Variants in RPS6KA2 observed in about 807,000 individuals in gnomAD.
RPS6KA2 encodes the protein ribosomal protein S6 kinase A2.
In RPS6KA2, 42 loss-of-function variants were observed where a neutral mutation model predicts 91.8. The ratio of observed to expected loss-of-function variants is 0.46; its 90% CI spans 0.36 to 0.59. RPS6KA2 has a LOEUF of 0.59. RPS6KA2 is among the 20% of genes least tolerant of loss of function. The pLI, the probability that RPS6KA2 is intolerant of heterozygous loss-of-function variation, is 0.00. For synonymous variants in RPS6KA2, 414 were observed against 393.6 expected, an observed-to-expected ratio of 1.05 and a Z score of -0.61; for missense variants, 798 against 978.5, an observed-to-expected ratio of 0.82 and a Z score of 2.46.
chr6:166,508,343 C>T lies in RPS6KA2; in HGVS notation c.380-61G>A, dbSNP rs1039278806. The T allele has an allele frequency of 1.8e-6, 2 of 1,082,406 alleles. No homozygotes were observed. Among genetic ancestry groups the T allele is most frequent in the Non-Finnish European group, 2.8e-6 (2 of 702,402 alleles). 67.1% of individuals were successfully genotyped at this position (1,082,406 alleles called of 1,614,324 possible). A position where few individuals can be genotyped will look rare whatever the true frequency, so the allele number is the denominator to read the frequency against. ...TCGAATGTCCTGTGGCAACATCGCT[C>T]TCTGGCTTCTCCCTGCTCACGGTGC... On this transcript the variant is annotated intron_variant, in intron 4 of 20. Transcript: ENST00000265678. This position sits in a 1 kb window ranked among gnomAD's most constrained non-coding sequence, Gnocchi z 4.3.
At chr6:166,653,511 T>C (rs1787922734) in intron 2 of RPS6KA2, among the ~76,000 whole-genome samples, 1 of 152,226 alleles carries the variant, frequency 6.6e-6, no homozygotes, top group Non-Finnish European at 1.5e-5. Context: ...GGCTACTAAG[T>C]GCTGCCATCA....
rs545096199 is a variant in RPS6KA2, at chr6:166,605,915, C to A, written c.99+21006G>T. Among the ~76,000 whole-genome samples, 5 of 152,352 alleles carry A rather than the reference C, an allele frequency of 3.3e-5. No homozygotes were observed. The East Asian group carries it at 7.7e-4, about 23-fold the overall frequency. On this transcript the variant is annotated intron_variant, in intron 1 of 20. Transcript: ENST00000265678. ...AGCAACCAAAATAGAAAGCTCTTTA[C>A]TTTGCAGGTTGATGTGATTTAGCCT...
At chr6:166,778,977 G>A (rs560748146) in intron 2 of RPS6KA2, among the ~76,000 whole-genome samples, 2 of 152,186 alleles carry the variant, frequency 1.3e-5, no homozygotes, top group Non-Finnish European at 2.9e-5. Context: ...GCAGTTTGTC[G>A]ATAGCAGATT....
chr6:166,653,393 C>T (rs1787919231), intron 2 of RPS6KA2, among the ~76,000 whole-genome samples: 3 of 152,210 alleles, frequency 2.0e-5, no homozygotes, highest in Admixed American at 6.5e-5. Flanking sequence ...GAATAATTCC[C>T]ATCGACTTAA....
At chr6:166,450,952 A>C in intron 13 of RPS6KA2, 151 bp downstream of exon 13, 1 of 914,278 alleles carries the variant, frequency 1.1e-6, no homozygotes. Flanking sequence ...GACACTCAGA[A>C]CAATGGGAAG....
chr6:166,482,393 T>C (rs1031935220), intron 10 of RPS6KA2, among the ~76,000 whole-genome samples: 4 of 152,240 alleles, frequency 2.6e-5, no homozygotes, highest in African/African-American at 7.2e-5. Context: ...CCTCGGTGAC[T>C]GCAGAGATGC....
At chr6:166,793,218 CAG>C (rs1156373102) in intron 2 of RPS6KA2, among the ~76,000 whole-genome samples, 2 of 151,766 alleles carry the variant, frequency 1.3e-5, no homozygotes, top group African/African-American at 4.9e-5. Flanking sequence ...AACAGACAAA[CAG>C]AGAGCCAAAT....
chr6:166,475,069 T>A (rs776568283), intron 10 of RPS6KA2, among the ~76,000 whole-genome samples: 2 of 152,172 alleles, frequency 1.3e-5, no homozygotes, highest in African/African-American at 2.4e-5. Context: ...GTCCTCCACC[T>A]GGGAGGCGTT....
At chr6:166,820,705 A>T (rs1779886058) in intron 2 of RPS6KA2, among the ~76,000 whole-genome samples, 1 of 152,208 alleles carries the variant, frequency 6.6e-6, no homozygotes, top group African/African-American at 2.4e-5. Context: ...ATTTTGATTT[A>T]TATATATATG....
At chr6:166,857,367 G>A (rs1478061658) in intron 2 of RPS6KA2, among the ~76,000 whole-genome samples, 1 of 152,192 alleles carries the variant, frequency 6.6e-6, no homozygotes, top group East Asian at 1.9e-4. Context: ...GCCTCTGAGA[G>A]CGTTTGCTTT....
intron 2 of RPS6KA2, among the ~76,000 whole-genome samples, chr6:166,536,332 G>A (rs1783477028): frequency 6.6e-6 from 1 of 152,166 alleles, no homozygotes; most frequent in Non-Finnish European, 1.5e-5. Flanking sequence ...TCTGTCCCTG[G>A]TAGGTGCAAA....
intron 2 of RPS6KA2, among the ~76,000 whole-genome samples, chr6:166,704,019 A>T (rs1562392112): frequency 6.6e-6 from 1 of 152,226 alleles, no homozygotes; most frequent in African/African-American, 2.4e-5. Context: ...TATTATTTTC[A>T]TTTAAAAGAA....
At chr6:166,681,263 G>A (rs888793388) in intron 2 of RPS6KA2, among the ~76,000 whole-genome samples, 1 of 152,152 alleles carries the variant, frequency 6.6e-6, no homozygotes, top group African/African-American at 2.4e-5. Flanking sequence ...CATACCCCAC[G>A]ACAAAAAGAA....
Position 166,501,634 on chromosome 6 carries a change from C to G in RPS6KA2, c.567-710G>C, listed in dbSNP as rs561721112. ...GTGAACCCTGCATAGAGAATGGAGG[C>G]AGGGTCCGTAAAGGGCTGGGTGCAG... On this transcript the variant is annotated intron_variant, in intron 6 of 20. Transcript: ENST00000265678. 1.9e-3 allele frequency among the ~76,000 whole-genome samples: 292 copies of G among 152,334 alleles called. 2 individuals carry two copies. Among genetic ancestry groups the G allele is most frequent in the Admixed American group, 4.7e-3 (72 of 15,304 alleles).
At chr6:166,505,713 A>C (rs1782188365) in intron 5 of RPS6KA2, among the ~76,000 whole-genome samples, 1 of 152,226 alleles carries the variant, frequency 6.6e-6, no homozygotes, top group Non-Finnish European at 1.5e-5. Flanking sequence ...CAGGCTCTGC[A>C]TCCTGACAGT....
chr6:166,862,177 A>T (rs1249113333), exon 1 of RPS6KA2: 4 of 1,614,162 alleles, frequency 2.5e-6, no homozygotes, highest in Non-Finnish European at 3.4e-6. Context: ...GCATTTTTAA[A>T]CTTTCCTTTT....
chr6:166,542,869 G>T (rs902109290), intron 1 of RPS6KA2, among the ~76,000 whole-genome samples: 1 of 152,138 alleles, frequency 6.6e-6, no homozygotes, highest in African/African-American at 2.4e-5. Flanking sequence ...AAAAGTTGTG[G>T]AATATTAATG....
chr6:166,483,514 A>C (rs1223355259), intron 10 of RPS6KA2, among the ~76,000 whole-genome samples: 1 of 152,236 alleles, frequency 6.6e-6, no homozygotes, highest in African/African-American at 2.4e-5. Context: ...GAGTTGGAAA[A>C]AATTAAGAAA....
In RPS6KA2 at chr6:166,648,227, CGCACACACACACATTCACACAG is replaced by C. The variant is rs745444839; in HGVS notation, c.124-109465_124-109444del. On this transcript the variant is annotated intron_variant, in intron 2 of 21. Transcript: ENST00000503859. This position sits in a 1 kb window ranked among gnomAD's most constrained non-coding sequence, Gnocchi z 4.8. ...ACACTCATGCACACACACGCACATG[CGCACACACACACATTCACACAG>C]GCACACACACTCATGTTCATACACA... Among the ~76,000 whole-genome samples the C allele has an allele frequency of 1.8e-4, 27 of 150,162 alleles. No homozygotes were observed. Among genetic ancestry groups the C allele is most frequent in the Non-Finnish European group, 3.1e-4 (21 of 67,516 alleles).
Sources: gnomAD v4.1 joint callset for allele counts (sites outside exome capture counted in the v4.1 genomes callset) on GRCh38, gnomAD v4.1.1 for gene constraint, Gnocchi (gnomAD v3.1) non-coding constraint, MANE v1.5 for transcripts, NCBI Gene and HGNC (gene_info 2026-07-23, HGNC 2026-07-21) for gene names.